Variants in CEP350 observed in about 807,000 individuals in gnomAD.
The protein encoded by CEP350 is centrosomal protein 350.
In CEP350, 126 loss-of-function variants were observed where a neutral mutation model predicts 331.8. The ratio of observed to expected loss-of-function variants is 0.38; its 90% CI spans 0.33 to 0.44. The LOEUF (loss-of-function observed/expected upper bound fraction) is 0.44. CEP350 is among the 20% of genes least tolerant of loss of function. The probability of loss-of-function intolerance (pLI) is 1.00; values close to 1 mark genes in which losing one functional copy is unlikely to be tolerated. For synonymous variants in CEP350, 1,200 were observed against 1,259.5 expected (o/e 0.95, Z 1.00); for missense variants, 3,406 against 3,634.6 (o/e 0.94, Z 1.62).
In CEP350 at chr1:179,992,022, T is replaced by A; in HGVS notation, c.236-40T>A. 2.7e-6 allele frequency: 4 copies of A among 1,482,510 alleles called. No individual in the cohort carries two copies. The African/African-American group carries it at 5.9e-5, about 22-fold the overall frequency. 91.8% of individuals were successfully genotyped at this position (1,482,510 alleles called of 1,614,324 possible). ...CCAGCCTAATTCAGAGGCAGTTGTA[T>A]TTTATATTATATGTTCTCACAGATT... On this transcript the variant is annotated intron_variant, in intron 4 of 37. Coordinates refer to ENST00000367607, the MANE Select transcript of CEP350 (RefSeq NM_014810.5).
chr1:180,020,595 G>C lies in CEP350; in HGVS notation c.2821G>C (p.Gly941Arg). 1 of 1,613,962 alleles carries C rather than the reference G, an allele frequency of 6.2e-7. No individual in the cohort carries two copies. The highest frequency in any genetic ancestry group is 8.5e-7 in the Non-Finnish European group (1 of 1,179,880). The change falls in exon 12 of 38, where the codon GGT becomes CGT. Residue 941 changes from glycine (G) to arginine (R), a missense_variant. Gly to Arg is a moderately radical substitution (Grantham distance 125). Transcript: ENST00000367607. ...AISSFRVRSPGPKPEGLLAQL... is the reference protein window; with the variant it reads ...AISSFRVRSPRPKPEGLLAQL... ...ATCAAGCTTTAGAGTGAGATCCCCT[G>C]GTCCCAAACCAGAAGGGCTACTGGC...
intron 5 of CEP350, among the ~76,000 whole-genome samples, chr1:179,995,875 C>T (rs1653424106): frequency 1.3e-5 from 2 of 152,130 alleles, no homozygotes; most frequent in South Asian, 4.1e-4. Flanking sequence ...ATTGTACTTC[C>T]ACTTTATTTC....
At chr1:179,986,406 G>A (rs1256106801) in intron 2 of CEP350, among the ~76,000 whole-genome samples, 152 bp downstream of exon 2, 1 of 152,076 alleles carries the variant, frequency 6.6e-6, no homozygotes, top group Non-Finnish European at 1.5e-5. Context: ...AATATACCTG[G>A]TGCTTCATGT....
Position 180,014,131 on chromosome 1 carries a change from G to C in CEP350, c.1678G>C (p.Val560Leu). The change falls in exon 10 of 38, where the codon GTA (valine) becomes CTA (leucine). Residue 560 changes from valine (V) to leucine (L), a missense_variant. This residue lies in a region of CEP350 where 1,857 missense variants were observed against 1,909.2 expected (regional missense o/e 0.97). Coordinates refer to ENST00000367607, the MANE Select transcript of CEP350 (RefSeq NM_014810.5). ...ACAGAACCAGAAGTCATCAGCACCA[G>C]TACATGCTCCTAGGAGTCACAGCCC... ...ELQNQKSSAP[V>L]HAPRSHSPVK... is the part of the protein sequence containing the mutation. The C allele has an allele frequency of 6.2e-7, 1 of 1,610,004 alleles. No homozygotes were observed. Among genetic ancestry groups the C allele is most frequent in the Non-Finnish European group, 8.5e-7 (1 of 1,178,062 alleles).
chr1:180,108,149 A>C (rs555216174), intron 37 of CEP350, among the ~76,000 whole-genome samples: 1 of 152,314 alleles, frequency 6.6e-6, no homozygotes, highest in African/African-American at 2.4e-5. Context: ...CCTGTTCTTA[A>C]GTGGGAACAA....
In CEP350 at chr1:180,094,129, A is replaced by G. The variant is rs1484014950; in HGVS notation, c.8024A>G (p.Glu2675Gly). 1 of 1,613,862 alleles carries G rather than the reference A, an allele frequency of 6.2e-7. No individual in the cohort carries two copies. The highest frequency in any genetic ancestry group is 8.5e-7 in the Non-Finnish European group (1 of 1,179,804). Residue 2675 changes from glutamate (E) to glycine (G), a missense_variant, in exon 34 of 38, where the codon GAA becomes GGA. Around this residue, in one of 5 missense-constraint regions of CEP350, gnomAD observed 1,415 missense variants for 1,512.3 expected, o/e 0.94. Transcript: ENST00000367607. ...AAAGACCTCATTTCTGATGCCACAG[A>G]AAAGGTTTCCATCGCTGCAGAAGAT... The part of the protein sequence containing the change: ...ENKDLISDAT[E>G]KVSIAAEDDT...
chr1:179,962,625 G>T (rs758476291), intron 1 of CEP350, among the ~76,000 whole-genome samples: 1 of 152,000 alleles, frequency 6.6e-6, no homozygotes, highest in African/African-American at 2.4e-5. Flanking sequence ...GGTCAGGCTG[G>T]TCTCAAACTC....
rs1475478433 is a variant in CEP350 at position 179,997,132 on chromosome 1, A to C, written c.975A>C (p.Lys325Asn). Reference sequence around the variant, plus strand: ...ATGTTGATAACTCAGTAACAGCAAAAGTCAGAAAAGTGGCAACAGCACCAC... The same window carrying C: ...ATGTTGATAACTCAGTAACAGCAAACGTCAGAAAAGTGGCAACAGCACCAC... ...VVNVDNSVTA[K>N]VRKVATAPPA... Residue 325 changes from lysine to asparagine, a missense_variant, in exon 6 of 38, where the codon AAA becomes AAC. Lys to Asn is a moderately conservative substitution (Grantham distance 94). Transcript: ENST00000367607. The C allele has an allele frequency of 1.2e-6, 2 of 1,613,838 alleles. No homozygotes were observed. The highest frequency in any genetic ancestry group is 1.7e-6 in the Non-Finnish European group (2 of 1,179,772).
At chr1:180,017,951 T>C (rs1343808387) in intron 11 of CEP350, among the ~76,000 whole-genome samples, 1 of 152,226 alleles carries the variant, frequency 6.6e-6, no homozygotes, top group Non-Finnish European at 1.5e-5. Flanking sequence ...TTTTAGCTGT[T>C]TGTTTGTCAT....
chr1:180,094,656 G>T, intron 34 of CEP350, 40 bp downstream of exon 34: 1 of 1,571,560 alleles, frequency 6.4e-7, no homozygotes, highest in South Asian at 1.2e-5. Context: ...TATACCTTTT[G>T]ACACTTTTAA....
chr1:180,099,772 CTTAT>C (rs1660690702), intron 37 of CEP350, among the ~76,000 whole-genome samples: 1 of 138,622 alleles, frequency 7.2e-6, no homozygotes, highest in African/African-American at 2.6e-5. Flanking sequence ...ATTCTTATGC[CTTAT>C]TTGATTTTTT....
chr1:179,988,125 C>CTTT (rs779228621), intron 3 of CEP350, among the ~76,000 whole-genome samples: 6 of 151,890 alleles, frequency 4.0e-5, no homozygotes, highest in Admixed American at 6.6e-5. Flanking sequence ...TGGCAAAACC[C>CTTT]TGTCTCTACA....
At chr1:179,982,193 C>T (rs1652319660) in intron 1 of CEP350, among the ~76,000 whole-genome samples, 1 of 152,136 alleles carries the variant, frequency 6.6e-6, no homozygotes, top group South Asian at 2.1e-4. Flanking sequence ...GAAGCACTTC[C>T]TTGCTCCAAT....
chr1:180,100,078 G>A (rs1035335979), intron 37 of CEP350, among the ~76,000 whole-genome samples: 3 of 152,132 alleles, frequency 2.0e-5, no homozygotes, highest in Non-Finnish European at 2.9e-5. Context: ...GAGCCACCGC[G>A]CCCAGTGTCT....
chr1:179,998,136 G>A (rs1033497270), intron 6 of CEP350, among the ~76,000 whole-genome samples: 6 of 151,306 alleles, frequency 4.0e-5, no homozygotes, highest in Admixed American at 1.3e-4. Context: ...AGTTTTTAAC[G>A]AAGGGCTGAT....
chr1:179,990,741 G>C (rs1652994277), intron 4 of CEP350, 120 bp downstream of exon 4: 1 of 515,672 alleles, frequency 1.9e-6, no homozygotes, highest in Admixed American at 3.3e-5. Context: ...ATCTTTTGTA[G>C]AGACGAAGTC....
Position 179,961,016 on chromosome 1 carries a change from T to C in CEP350, c.-14+5874T>C, listed in dbSNP as rs890036532. 3.3e-5 allele frequency among the ~76,000 whole-genome samples: 5 copies of C among 152,196 alleles called. No individual in the cohort carries two copies. The East Asian group carries it at 5.8e-4, about 18-fold the overall frequency. On this transcript the variant is annotated intron_variant, in intron 1 of 37. Coordinates refer to ENST00000367607, the MANE Select transcript of CEP350 (RefSeq NM_014810.5). ...GGACACCTATATATATTTTCCATGT[T>C]CTGTGCTCCCAAAGGTTGATTTTTT...
intron 1 of CEP350, among the ~76,000 whole-genome samples, chr1:179,980,125 G>C (rs1304531751): frequency 6.6e-6 from 1 of 152,054 alleles, no homozygotes; most frequent in Admixed American, 6.6e-5. Context: ...ACTTTGGGTT[G>C]TATGGTCATT....
intron 16 of CEP350, among the ~76,000 whole-genome samples, chr1:180,036,712 CA>C (rs930380263): frequency 1.3e-5 from 2 of 152,058 alleles, no homozygotes; most frequent in African/African-American, 4.8e-5. Context: ...ACTGGTAAAC[CA>C]AAAAATTTGT....
Sources: allele counts gnomAD v4.1 joint callset (sites outside exome capture counted in the v4.1 genomes callset), GRCh38; gene constraint gnomAD v4.1.1; regional missense constraint gnomAD v4.1.1; transcripts MANE v1.5; gene names NCBI Gene and HGNC (gene_info 2026-07-23, HGNC 2026-07-21).